Variants in CEP112 observed in about 807,000 individuals in gnomAD.
The protein encoded by CEP112 is centrosomal protein of 112 kDa.
CEP112 carries 127 observed loss-of-function variants against 153.0 expected under a neutral mutation model. The observed-to-expected ratio is 0.83, with a 90% CI of 0.72 to 0.96. The LOEUF (loss-of-function observed/expected upper bound fraction) is 0.96. CEP112 is among the 40% of genes least tolerant of loss of function. The pLI is 0.00. For synonymous variants in CEP112, 358 were observed against 374.4 expected (o/e 0.96, Z 0.51); for missense variants, 1,089 against 1,101.2 (o/e 0.99, Z 0.16).
chr17:65,968,312 G>A (rs946055006), intron 17 of CEP112, among the ~76,000 whole-genome samples: 1 of 152,104 alleles, frequency 6.6e-6, no homozygotes, highest in Non-Finnish European at 1.5e-5. Context: ...CATTATCCAT[G>A]CCTTGTCCCA....
At chr17:65,906,855 A>G (rs1484120962) in intron 19 of CEP112, among the ~76,000 whole-genome samples, 1 of 152,206 alleles carries the variant, frequency 6.6e-6, no homozygotes, top group Admixed American at 6.5e-5. Flanking sequence ...GAATATTTTT[A>G]GTTCTTGGAC....
At chr17:65,880,777 C>T (rs1386075563) in intron 20 of CEP112, among the ~76,000 whole-genome samples, 1 of 152,202 alleles carries the variant, frequency 6.6e-6, no homozygotes, top group Non-Finnish European at 1.5e-5. Flanking sequence ...CAGTGCTCAA[C>T]ATCAGTTAAA....
intron 21 of CEP112, among the ~76,000 whole-genome samples, chr17:65,850,603 C>T (rs2146297545): frequency 6.6e-6 from 1 of 152,288 alleles, no homozygotes; most frequent in African/African-American, 2.4e-5. Flanking sequence ...AGTCTATTCT[C>T]AGCACAGCAG....
chr17:65,953,597 C>G (rs1036511818), intron 18 of CEP112, among the ~76,000 whole-genome samples: 1 of 152,134 alleles, frequency 6.6e-6, no homozygotes, highest in Non-Finnish European at 1.5e-5. Flanking sequence ...GAAATAGACT[C>G]GGTGCTGTTG....
chr17:65,844,689 A>AT (rs60814879), intron 21 of CEP112, among the ~76,000 whole-genome samples: 1 of 150,964 alleles, frequency 6.6e-6, no homozygotes, highest in African/African-American at 2.4e-5. Context: ...AAAAAAAAAA[A>AT]CCTAAATGTT....
At chr17:65,683,873 C>T (rs2047656791) in intron 24 of CEP112, among the ~76,000 whole-genome samples, 1 of 152,118 alleles carries the variant, frequency 6.6e-6, no homozygotes, top group African/African-American at 2.4e-5. Context: ...GAAACCCCGT[C>T]TCTACTAAAA....
At position 65,882,551 on chromosome 17, in the gene CEP112, A is replaced by G. The variant is rs561699251; in HGVS notation, c.2163+19601T>C. Among the ~76,000 whole-genome samples the G allele has an allele frequency of 3.9e-5, 6 of 152,360 alleles. No homozygotes were observed. The South Asian group carries it at 1.2e-3, about 32-fold the overall frequency. On this transcript the variant is annotated intron_variant, in intron 20 of 26. Coordinates refer to ENST00000535342, the MANE Select transcript of CEP112 (RefSeq NM_001199165.4). ...CCAGATCTAAAGCAATCTCTGCAGCATAGTTCAATGTATTGATTTGTGTTC... is the reference window on the plus strand; with the variant it reads ...CCAGATCTAAAGCAATCTCTGCAGCGTAGTTCAATGTATTGATTTGTGTTC...
At chr17:66,018,025 G>A (rs1598121696) in intron 16 of CEP112, among the ~76,000 whole-genome samples, 1 of 151,392 alleles carries the variant, frequency 6.6e-6, no homozygotes, top group East Asian at 1.9e-4. Flanking sequence ...ATCCTTGTTT[G>A]TACCTAAAAG....
rs2059197243 is a variant in CEP112, at chr17:65,884,444, A to C, written c.2163+17708T>G. On this transcript the variant is annotated intron_variant, in intron 20 of 26. Transcript: ENST00000535342. ...GTGAGAAATCCAACTTCTTCCATGT[A>C]ATTCAGTAAACTCTTACATATCTAC... Among the ~76,000 whole-genome samples the C allele has an allele frequency of 2.0e-5, 3 of 152,206 alleles. No homozygotes were observed. The South Asian group carries it at 6.2e-4, about 31-fold the overall frequency.
intron 20 of CEP112, among the ~76,000 whole-genome samples, chr17:65,893,566 CATT>C (rs2059553865): frequency 6.6e-6 from 1 of 152,080 alleles, no homozygotes; most frequent in Non-Finnish European, 1.5e-5. Flanking sequence ...AACTAAAAAA[CATT>C]ATCTCAAGTT....
At chr17:65,782,195 G>C (rs2054033703) in intron 21 of CEP112, among the ~76,000 whole-genome samples, 1 of 151,908 alleles carries the variant, frequency 6.6e-6, no homozygotes, top group South Asian at 2.1e-4. Context: ...GACATGACCA[G>C]ACATTTCTCA....
At chr17:65,930,906 T>C (rs2061099063) in intron 18 of CEP112, among the ~76,000 whole-genome samples, 1 of 152,186 alleles carries the variant, frequency 6.6e-6, no homozygotes, top group African/African-American at 2.4e-5. Flanking sequence ...AGGTTTTCCT[T>C]CTTCTCTAAG....
rs892335339 is a variant in CEP112, at chr17:65,836,926, C to T, written c.2394+14878G>A. Among the ~76,000 whole-genome samples, 8 of 152,024 alleles carry T rather than the reference C, an allele frequency of 5.3e-5. 1 individual carries two copies. The highest frequency in any genetic ancestry group is 1.9e-4 in the African/African-American group (8 of 41,388). ...TGCCTGATTCTCCTGCCTCAGCCTG[C>T]CCAGTGCCTGGGATTGCAGGTGCGC... On this transcript the variant is annotated intron_variant, in intron 21 of 26. Transcript: ENST00000535342.
chr17:65,826,164 C>T (rs2056830272), intron 21 of CEP112: 1 of 1,614,166 alleles, frequency 6.2e-7, no homozygotes, highest in Non-Finnish European at 8.5e-7. Flanking sequence ...TTAGATTTTC[C>T]TGTATCCCTC....
intron 16 of CEP112, among the ~76,000 whole-genome samples, chr17:66,009,150 T>G (rs2064400492): frequency 1.3e-5 from 2 of 151,592 alleles, no homozygotes; most frequent in Non-Finnish European, 2.9e-5. Flanking sequence ...GTATAGACGC[T>G]CTCTTTCTTC....
At chr17:65,810,584 T>C (rs1281767798) in intron 21 of CEP112, among the ~76,000 whole-genome samples, 4 of 152,118 alleles carry the variant, frequency 2.6e-5, no homozygotes, top group Admixed American at 2.0e-4. Flanking sequence ...TTTCTTATGG[T>C]TTCACTTAAC....
rs942690790 is a variant in CEP112 at position 65,826,396 on chromosome 17, C to T, written c.2394+25408G>A. 5.1e-6 allele frequency: 8 copies of T among 1,583,892 alleles called. No homozygotes were observed. The Admixed American group carries it at 9.9e-5, about 20-fold the overall frequency. ...ACTTCTAACAAGAAGCCAGTGAGAG[C>T]ACAGCCTCCCTCCCCTGATAGAAAG... On this transcript the variant is annotated intron_variant, in intron 21 of 26. Coordinates refer to ENST00000535342, the MANE Select transcript of CEP112 (RefSeq NM_001199165.4).
chr17:65,735,862 C>T (rs969956577), intron 23 of CEP112, among the ~76,000 whole-genome samples: 13 of 152,080 alleles, frequency 8.5e-5, no homozygotes, highest in Admixed American at 2.0e-4. Flanking sequence ...AGGGACTCAT[C>T]GGAGTCTGCA....
Position 65,636,352 on chromosome 17 carries a change from A to G in CEP112, c.2865-378T>C, listed in dbSNP as rs184648195. On this transcript the variant is annotated intron_variant, in intron 26 of 26. Transcript: ENST00000535342. ...CCAAAAAGAGCACTGAGGGTACTCAAGTCACTGTGAGTGCTGGATCACTGA... is the reference window on the plus strand; with the variant it reads ...CCAAAAAGAGCACTGAGGGTACTCAGGTCACTGTGAGTGCTGGATCACTGA... Among the ~76,000 whole-genome samples, 10 of 152,346 alleles carry G rather than the reference A, an allele frequency of 6.6e-5. No homozygotes were observed. In the East Asian group the frequency reaches 1.7e-3, roughly 26 times the overall value.
Sources: gnomAD v4.1 joint callset for allele counts (sites outside exome capture counted in the v4.1 genomes callset) on GRCh38, gnomAD v4.1.1 for gene constraint, MANE v1.5 for transcripts, NCBI Gene and HGNC (gene_info 2026-07-23, HGNC 2026-07-21) for gene names.